Variants in CCNH observed in about 807,000 individuals in gnomAD.
CCNH encodes the protein cyclin-H.
A neutral mutation model predicts 41.9 loss-of-function variants in CCNH; 31 were observed. That is an observed-to-expected ratio of 0.74 (90% confidence interval 0.56 to 1.00). CCNH has a LOEUF of 1.00. Among genes scored for constraint, CCNH ranks in the 50% least tolerant of loss-of-function variants. CCNH has a pLI of 0.00. For synonymous variants in CCNH, 138 were observed against 136.1 expected (o/e 1.01, Z -0.10); for missense variants, 362 against 388.4 (o/e 0.93, Z 0.57).
chr5:87,412,736 G>A lies in CCNH; in HGVS notation c.59C>T (p.Ala20Val). ...GCGGTTGGCGTCAGCCCGCAGTCTT[G>A]CCAGCTGCTCCTCGCTGGAGAAGGT... ...HWTFSSEEQL[A>V]RLRADANRKF... The change falls in exon 1 of 9, where the codon GCA becomes GTA. Residue 20 changes from alanine (A) to valine (V), a missense_variant. Coordinates refer to ENST00000256897, the MANE Select transcript of CCNH (RefSeq NM_001239.4). 2 of 1,614,224 alleles carry A rather than the reference G, an allele frequency of 1.2e-6. No homozygotes were observed. The highest frequency in any genetic ancestry group is 1.7e-6 in the Non-Finnish European group (2 of 1,180,040).
chr5:87,340,625 T>A (rs1472234820), intron 9 of CCNH, among the ~76,000 whole-genome samples: 1 of 152,114 alleles, frequency 6.6e-6, no homozygotes, highest in Non-Finnish European at 1.5e-5. Flanking sequence ...GTTCAAAACA[T>A]AGTAAAAGGG....
exon 1 of CCNH, chr5:87,377,069 A>G: frequency 6.3e-7 from 1 of 1,599,276 alleles, no homozygotes; most frequent in Non-Finnish European, 8.6e-7. Context: ...AGTGTGATAC[A>G]AGAAACTGGG....
intron 9 of CCNH, among the ~76,000 whole-genome samples, chr5:87,335,943 A>G (rs993702098): frequency 6.6e-6 from 1 of 152,232 alleles, no homozygotes; most frequent in Non-Finnish European, 1.5e-5. Flanking sequence ...CTAACCTTCA[A>G]GAAAGTACCA....
intron 9 of CCNH, among the ~76,000 whole-genome samples, chr5:87,322,286 A>T (rs1756880464): frequency 6.6e-6 from 1 of 152,124 alleles, no homozygotes; most frequent in African/African-American, 2.4e-5. Context: ...CCACCTTCTG[A>T]TCAGCAGAGC....
chr5:87,338,658 C>T (rs912748775), intron 9 of CCNH, among the ~76,000 whole-genome samples: 1 of 150,366 alleles, frequency 6.7e-6, no homozygotes, highest in East Asian at 1.9e-4. Flanking sequence ...AGGCATGAGC[C>T]ACAGTGCCCG....
intron 9 of CCNH, among the ~76,000 whole-genome samples, chr5:87,320,117 A>G (rs1756675417): frequency 1.3e-5 from 2 of 152,164 alleles, no homozygotes; most frequent in African/African-American, 4.8e-5. Context: ...CTGGTTCCCA[A>G]TAAGTTCCTC....
Position 87,412,899 on chromosome 5 carries a change from T to G in CCNH, c.-105A>C. On this transcript the variant is annotated 5_prime_UTR_variant, in exon 1 of 9. Coordinates refer to ENST00000256897, the MANE Select transcript of CCNH (RefSeq NM_001239.4). ...CCCCACCGAAGATCTCGCGGAAGCC[T>G]AGGGCGTCCGGCTAGCCGGCGCTGG... 2 of 1,508,480 alleles carry G rather than the reference T, an allele frequency of 1.3e-6. No individual in the cohort carries two copies. 93.4% of individuals were successfully genotyped at this position (1,508,480 alleles called of 1,614,324 possible). A position where few individuals can be genotyped will look rare whatever the true frequency, so the allele number is the denominator to read the frequency against.
chr5:87,329,345 G>C lies in CCNH; in HGVS notation c.*91-10448C>G, dbSNP rs375390948. On this transcript the variant is annotated intron_variant and NMD_transcript_variant, in intron 9 of 9. Transcript: ENST00000645953. ...CAGTCTCGGCTACTTGGGAGGCTGT[G>C]GTGGGAAGATGGGTTGAGCCTGGGA... Among the ~76,000 whole-genome samples the C allele has an allele frequency of 3.1e-3, 478 of 152,044 alleles. 3 individuals carry two copies. The highest frequency in any genetic ancestry group is 0.011 in the African/African-American group (461 of 41,476).
At chr5:87,313,013 G>GA in the CCNH span, among the ~76,000 whole-genome samples, 2 of 152,182 alleles carry the variant, frequency 1.3e-5, no homozygotes, top group Non-Finnish European at 2.9e-5. Context: ...TTCCCACAGA[G>GA]AGACTGTGAG....
At chr5:87,327,575 A>G (rs1487601070) in intron 9 of CCNH, among the ~76,000 whole-genome samples, 1 of 152,170 alleles carries the variant, frequency 6.6e-6, no homozygotes, top group Admixed American at 6.5e-5. Flanking sequence ...TTCTGCTAGT[A>G]TGCATTGTCT....
At chr5:87,329,970 T>G (rs1350309689) in intron 9 of CCNH, among the ~76,000 whole-genome samples, 1 of 152,160 alleles carries the variant, frequency 6.6e-6, no homozygotes, top group Non-Finnish European at 1.5e-5. Flanking sequence ...TTACTTGTCA[T>G]TTGTCTCAAA....
chr5:87,392,309 GT>G, downstream of CCNH: 1 of 455,942 alleles, frequency 2.2e-6, no homozygotes, highest in South Asian at 1.5e-5. Flanking sequence ...CTGCTTAGTA[GT>G]TCCAAGCTAC....
intron 8 of CCNH, 100 bp from the exon 9 acceptor site, chr5:87,394,584 A>G: frequency 3.8e-6 from 6 of 1,569,006 alleles, no homozygotes; most frequent in Non-Finnish European, 5.2e-6. Flanking sequence ...CCTTTTACCC[A>G]TGTGGATTAC....
intron 9 of CCNH, among the ~76,000 whole-genome samples, chr5:87,334,733 T>A (rs775027415): frequency 3.3e-5 from 5 of 152,180 alleles, no homozygotes; most frequent in Non-Finnish European, 5.9e-5. Flanking sequence ...GTGTTGTTGA[T>A]GAGGGAGTAA....
chr5:87,400,730 G>T (rs546964089), intron 6 of CCNH, among the ~76,000 whole-genome samples: 7 of 152,254 alleles, frequency 4.6e-5, no homozygotes, highest in East Asian at 3.9e-4. Context: ...TATTCTACTG[G>T]TTTAATATTT....
downstream of CCNH, chr5:87,372,014 A>G: frequency 1.1e-6 from 1 of 876,690 alleles, no homozygotes; most frequent in Non-Finnish European, 1.8e-6. Flanking sequence ...ATGGCAGTCT[A>G]GAGAAGGAAA....
intron 9 of CCNH, chr5:87,333,147 T>A: frequency 7.0e-7 from 1 of 1,420,684 alleles, no homozygotes; most frequent in Non-Finnish European, 9.4e-7. Context: ...TAAAAATTTA[T>A]TTGAATGATC....
At chr5:87,391,065 G>T, downstream of CCNH, 1 of 687,468 alleles carries the variant, frequency 1.5e-6, no homozygotes. Flanking sequence ...AACCTTGTAA[G>T]CTATCTGTGC....
At chr5:87,330,374 G>C (rs1025563158) in intron 9 of CCNH, among the ~76,000 whole-genome samples, 1 of 151,990 alleles carries the variant, frequency 6.6e-6, no homozygotes, top group East Asian at 1.9e-4. Flanking sequence ...CTTTGGTAAA[G>C]CTGAAGTACT....
Sources: gnomAD v4.1 joint callset for allele counts (sites outside exome capture counted in the v4.1 genomes callset) on GRCh38, gnomAD v4.1.1 for gene constraint, MANE v1.5 for transcripts, NCBI Gene and HGNC (gene_info 2026-07-23, HGNC 2026-07-21) for gene names.